ARMH4: variants seen among roughly 807,000 people sequenced by gnomAD.
ARMH4 encodes the protein armadillo like helical domain containing 4.
A neutral mutation model predicts 61.9 loss-of-function variants in ARMH4; 49 were observed. That is an observed-to-expected ratio of 0.79 (90% confidence interval 0.63 to 1.00). The LOEUF (loss-of-function observed/expected upper bound fraction) is 1.00. Among genes scored for constraint, ARMH4 ranks in the 50% least tolerant of loss-of-function variants. The pLI is 0.00. For missense variants in ARMH4, 934 were observed against 930.0 expected, an observed-to-expected ratio of 1.00 and a Z score of -0.06; for synonymous variants, 368 against 341.5, an observed-to-expected ratio of 1.08 and a Z score of -0.85.
intron 3 of ARMH4, 88 bp from the exon 4 acceptor site, chr14:58,131,809 G>T: frequency 7.9e-7 from 1 of 1,266,186 alleles, no homozygotes; most frequent in Non-Finnish European, 1.1e-6. Context: ...GGCAAGAAAT[G>T]ATTAAACCAA....
chr14:58,005,339 AG>A (rs1365148604), intron 6 of ARMH4, among the ~76,000 whole-genome samples, 157 bp from the exon 7 acceptor site: 3 of 152,192 alleles, frequency 2.0e-5, no homozygotes, highest in Non-Finnish European at 4.4e-5. Flanking sequence ...GTAACTTTTT[AG>A]GGAGAAGGCA....
intron 5 of ARMH4, among the ~76,000 whole-genome samples, chr14:58,050,674 A>G (rs552324382): frequency 1.3e-5 from 2 of 152,204 alleles, no homozygotes; most frequent in South Asian, 4.1e-4. Flanking sequence ...TGGTTTAAAA[A>G]ACACATAACA....
intron 5 of ARMH4, among the ~76,000 whole-genome samples, chr14:58,040,959 T>C (rs1490308443): frequency 6.6e-6 from 1 of 152,106 alleles, no homozygotes; most frequent in East Asian, 1.9e-4. Flanking sequence ...TTCCTCTAAG[T>C]AAAATGAAAC....
chr14:58,121,543 G>C (rs1392365707), intron 4 of ARMH4, among the ~76,000 whole-genome samples: 1 of 152,180 alleles, frequency 6.6e-6, no homozygotes, highest in Non-Finnish European at 1.5e-5. Context: ...TCACAATATT[G>C]ATTTTAAATA....
chr14:58,138,590 G>C lies in ARMH4; in HGVS notation c.769C>G (p.Pro257Ala), dbSNP rs1438102225. The C allele has an allele frequency of 2.5e-6, 4 of 1,614,210 alleles. No individual in the cohort carries two copies. The highest frequency in any genetic ancestry group is 1.1e-5 in the South Asian group (1 of 91,072). The change falls in exon 2 of 8, where the codon CCT (proline) becomes GCT (alanine). Residue 257 changes from proline (P) to alanine (A), a missense_variant. Transcript: ENST00000267485. ...GTGTTATCAGCTGTCATCTGCGAAG[G>C]CTTCTCCTTATCAGGGGTGAGGCTT... ...PGSLTPDKEK[P>A]SQMTADNTQA...
rs1035532880 is a variant in ARMH4 at position 58,075,329 on chromosome 14, A to G, written c.2089+21395T>C. ...ACATATGTTTATTGCGGCACTGTTC[A>G]CAATAGCAAAGACTTGGAACCACCC... is the stretch of plus-strand genomic sequence containing the variant. On this transcript the variant is annotated intron_variant, in intron 5 of 7. Transcript: ENST00000267485. Among the ~76,000 whole-genome samples, 4 of 152,224 alleles carry G rather than the reference A, an allele frequency of 2.6e-5. No homozygotes were observed. The East Asian group carries it at 7.7e-4, about 29-fold the overall frequency.
intron 1 of ARMH4, among the ~76,000 whole-genome samples, chr14:58,151,765 G>T (rs948587625): frequency 6.6e-6 from 1 of 152,228 alleles, no homozygotes; most frequent in Non-Finnish European, 1.5e-5. Flanking sequence ...TGCAAGCTCC[G>T]CCAGCACAAA....
intron 5 of ARMH4, among the ~76,000 whole-genome samples, chr14:58,042,155 A>T (rs1264486262): frequency 6.6e-6 from 1 of 152,124 alleles, no homozygotes; most frequent in Non-Finnish European, 1.5e-5. Context: ...TCTTCTCAGC[A>T]CCACATCACA....
chr14:58,051,316 T>C (rs186116438), intron 5 of ARMH4, among the ~76,000 whole-genome samples: 28 of 152,084 alleles, frequency 1.8e-4, no homozygotes, highest in African/African-American at 5.1e-4. Context: ...CCAGAGTAAA[T>C]AGATTCATCT....
Position 58,069,948 on chromosome 14 carries a change from T to G in ARMH4, c.2089+26776A>C, listed in dbSNP as rs149095571. Among the ~76,000 whole-genome samples the G allele has an allele frequency of 3.9e-5, 6 of 152,088 alleles. No homozygotes were observed. The South Asian group carries it at 8.3e-4, about 21-fold the overall frequency. On this transcript the variant is annotated intron_variant, in intron 5 of 7. Coordinates refer to ENST00000267485, the MANE Select transcript of ARMH4 (RefSeq NM_001001872.4). The stretch of plus-strand genomic sequence containing the variant: ...CACAGTGTGGAGAAGGGACTGGAAA[T>G]AGAGGAACTGCAAGCAAGAAAGAAC...
At chr14:58,039,967 G>T (rs1200424177) in intron 5 of ARMH4, among the ~76,000 whole-genome samples, 6 of 152,190 alleles carry the variant, frequency 3.9e-5, no homozygotes, top group African/African-American at 1.4e-4. Flanking sequence ...CCTTCCACAA[G>T]GGATTTCAGG....
chr14:58,043,670 T>C (rs1484282376), intron 5 of ARMH4, among the ~76,000 whole-genome samples: 1 of 152,264 alleles, frequency 6.6e-6, no homozygotes, highest in Admixed American at 6.5e-5. Flanking sequence ...CAATTGTCCC[T>C]GTTTGCAGTT....
intron 5 of ARMH4, among the ~76,000 whole-genome samples, chr14:58,063,060 T>C (rs1884582705): frequency 6.6e-6 from 1 of 152,180 alleles, no homozygotes; most frequent in Non-Finnish European, 1.5e-5. Flanking sequence ...CCATGATCCC[T>C]ACAGAGCCTC....
chr14:58,112,286 C>CTTTTTT (rs375451865), intron 4 of ARMH4, among the ~76,000 whole-genome samples: 5 of 133,402 alleles, frequency 3.7e-5, no homozygotes, highest in African/African-American at 1.4e-4. Context: ...CTTAATTTTT[C>CTTTTTT]TTTTTTTTTT....
intron 5 of ARMH4, among the ~76,000 whole-genome samples, chr14:58,029,753 G>A (rs1883160578): frequency 6.6e-6 from 1 of 152,180 alleles, no homozygotes; most frequent in African/African-American, 2.4e-5. Context: ...TACGTTGCTG[G>A]TGGGAACATA....
At chr14:58,094,164 T>C (rs561127027) in intron 5 of ARMH4, among the ~76,000 whole-genome samples, 20 of 151,912 alleles carry the variant, frequency 1.3e-4, no homozygotes, top group Admixed American at 1.2e-3. Context: ...ACCCTGTCTC[T>C]ACTAAAAATA....
intron 4 of ARMH4, among the ~76,000 whole-genome samples, chr14:58,118,001 C>A (rs548782396): frequency 6.4e-4 from 97 of 152,138 alleles, no homozygotes; most frequent in African/African-American, 2.2e-3. Flanking sequence ...TGGCCTCAAG[C>A]GATCCTCCTG....
chr14:58,026,522 G>T (rs1823177731), intron 5 of ARMH4, among the ~76,000 whole-genome samples: 1 of 152,096 alleles, frequency 6.6e-6, no homozygotes, highest in Non-Finnish European at 1.5e-5. Flanking sequence ...TGGTGAAAAA[G>T]AAAATAGTTT....
Position 58,152,130 on chromosome 14 carries a change from G to C in ARMH4, c.-112C>G, listed in dbSNP as rs1887954527. ...GGACAGAGGCAGCGGCGGCGCGGGC[G>C]CTCGGCATCCCAGCGGCGGGCCCTG... On this transcript the variant is annotated 5_prime_UTR_variant, in exon 1 of 8. Coordinates refer to ENST00000267485, the MANE Select transcript of ARMH4 (RefSeq NM_001001872.4). The C allele has an allele frequency of 6.2e-6, 1 of 160,782 alleles. No homozygotes were observed. Among genetic ancestry groups the C allele is most frequent in the Non-Finnish European group, 1.3e-5 (1 of 74,830 alleles). The allele number at this position is 160,782 out of a possible 1,614,324, so 10.0% of individuals were successfully genotyped here.
Sources: allele counts gnomAD v4.1 joint callset (sites outside exome capture counted in the v4.1 genomes callset), GRCh38; gene constraint gnomAD v4.1.1; transcripts MANE v1.5; gene names NCBI Gene and HGNC (gene_info 2026-07-23, HGNC 2026-07-21).